The following IGF2BP3 variants were observed in gnomAD, a reference collection of about 807,000 sequenced individuals.
IGF2BP3 encodes the protein insulin like growth factor 2 mRNA binding protein 3.
IGF2BP3 carries 9 observed loss-of-function variants against 73.8 expected under a neutral mutation model. That is an observed-to-expected ratio of 0.12 (90% CI 0.07 to 0.21). IGF2BP3 has a LOEUF of 0.21. IGF2BP3 is among the 10% of genes least tolerant of loss of function. IGF2BP3 has a pLI of 1.00. For synonymous variants in IGF2BP3, 258 were observed against 256.7 expected (o/e 1.01, Z -0.05); for missense variants, 542 against 714.0 (o/e 0.76, Z 2.75).
chr7:23,314,706 G>C (rs1783929182), intron 12 of IGF2BP3, among the ~76,000 whole-genome samples: 1 of 152,178 alleles, frequency 6.6e-6, no homozygotes, highest in Non-Finnish European at 1.5e-5. Context: ...GAAACCTGCT[G>C]AGAAAAATGT....
intron 3 of IGF2BP3, among the ~76,000 whole-genome samples, chr7:23,381,833 A>C (rs575722155): frequency 6.6e-6 from 1 of 151,926 alleles, no homozygotes; most frequent in Non-Finnish European, 1.5e-5. Flanking sequence ...TCGGCCTCCC[A>C]AAGTGCTGGG....
At chr7:23,338,847 A>C (rs1199384389) in intron 10 of IGF2BP3, among the ~76,000 whole-genome samples, 19 of 152,262 alleles carry the variant, frequency 1.2e-4, no homozygotes, top group African/African-American at 2.4e-5. Context: ...AAATAAAAAC[A>C]GTAATATATG....
chr7:23,364,581 T>TGGG (rs1287578874), intron 3 of IGF2BP3, among the ~76,000 whole-genome samples: 157 of 81,396 alleles, frequency 1.9e-3, no homozygotes, highest in African/African-American at 6.7e-3. Context: ...AGCGGGAGGT[T>TGGG]GGGGGGTGGG....
chr7:23,378,998 T>C (rs1391077531), intron 3 of IGF2BP3, among the ~76,000 whole-genome samples: 1 of 152,154 alleles, frequency 6.6e-6, no homozygotes, highest in Non-Finnish European at 1.5e-5. Context: ...CACCAACTCA[T>C]TGTGGCATAT....
At chr7:23,410,852 G>A (rs78264172) in intron 3 of IGF2BP3, among the ~76,000 whole-genome samples, 3 of 152,068 alleles carry the variant, frequency 2.0e-5, no homozygotes, top group African/African-American at 7.3e-5. Flanking sequence ...TGATTAAGAG[G>A]AGACACTAAC....
intron 10 of IGF2BP3, among the ~76,000 whole-genome samples, chr7:23,341,491 C>A (rs1287578238): frequency 6.6e-6 from 1 of 152,122 alleles, no homozygotes; most frequent in East Asian, 1.9e-4. Flanking sequence ...CATGGCGAAA[C>A]CCTGTCTCTA....
chr7:23,384,697 C>T (rs1219397290), intron 3 of IGF2BP3, among the ~76,000 whole-genome samples: 2 of 152,038 alleles, frequency 1.3e-5, no homozygotes, highest in Admixed American at 6.6e-5. Flanking sequence ...TCAAGACCAG[C>T]CTGGGCAACA....
chr7:23,340,796 GA>G (rs1562684965), intron 10 of IGF2BP3, among the ~76,000 whole-genome samples: 3 of 151,718 alleles, frequency 2.0e-5, no homozygotes, highest in Non-Finnish European at 2.9e-5. Context: ...TGACCTCAAG[GA>G]AACTGCTATT....
At chr7:23,401,954 T>C (rs1786680716) in intron 3 of IGF2BP3, among the ~76,000 whole-genome samples, 2 of 151,868 alleles carry the variant, frequency 1.3e-5, no homozygotes, top group Non-Finnish European at 1.5e-5. Context: ...CCATCTCTAC[T>C]AAAATTACGA....
At chr7:23,463,996 T>G (rs1340629187) in intron 2 of IGF2BP3, among the ~76,000 whole-genome samples, 1 of 152,166 alleles carries the variant, frequency 6.6e-6, no homozygotes, top group Admixed American at 6.5e-5. Context: ...TGAGAAACTT[T>G]CCCGAATCGC....
At chr7:23,326,039 T>A (rs1157757451) in intron 10 of IGF2BP3, among the ~76,000 whole-genome samples, 1 of 152,034 alleles carries the variant, frequency 6.6e-6, no homozygotes, top group Non-Finnish European at 1.5e-5. Context: ...CCAAAAGCAA[T>A]GGCAACAAAA....
intron 3 of IGF2BP3, among the ~76,000 whole-genome samples, chr7:23,390,339 T>C (rs963497977): frequency 6.6e-6 from 1 of 151,812 alleles, no homozygotes; most frequent in African/African-American, 2.4e-5. Context: ...GGGGAAGAAG[T>C]ATATTTAAGT....
At chr7:23,323,751 T>A (rs1784220474) in intron 10 of IGF2BP3, among the ~76,000 whole-genome samples, 1 of 152,028 alleles carries the variant, frequency 6.6e-6, no homozygotes, top group Non-Finnish European at 1.5e-5. Context: ...AAACTAGAAC[T>A]CAGGATTAAG....
chr7:23,324,949 A>C (rs1784253883), intron 10 of IGF2BP3, among the ~76,000 whole-genome samples: 1 of 147,776 alleles, frequency 6.8e-6, no homozygotes, highest in South Asian at 2.2e-4. Flanking sequence ...TCTATGACAA[A>C]CCCACAGCCA....
rs1266154469 is a variant in IGF2BP3 at position 23,351,385 on chromosome 7, C to T, written c.603G>A (p.Leu201=). 1 of 1,613,890 alleles carries T rather than the reference C, an allele frequency of 6.2e-7. No homozygotes were observed. Among genetic ancestry groups the T allele is most frequent in the South Asian group, 1.1e-5 (1 of 91,060 alleles). Residue 201 remains leucine (L), a synonymous_variant, in exon 6 of 15, where the codon CTG becomes CTA. Coordinates refer to ENST00000258729, the MANE Select transcript of IGF2BP3 (RefSeq NM_006547.3). Reference sequence around the variant, plus strand: ...TGGCTCCAACAAATTGGGTGGGAACCAGCAGGCGCAGAGGCAAATCACATG... The same window carrying T: ...TGGCTCCAACAAATTGGGTGGGAACTAGCAGGCGCAGAGGCAAATCACATG... ...QKPCDLPLRL[L]VPTQFVGAII...
At chr7:23,428,526 A>AT (rs1554334300) in intron 2 of IGF2BP3, among the ~76,000 whole-genome samples, 14 of 145,448 alleles carry the variant, frequency 9.6e-5, no homozygotes, top group East Asian at 2.0e-4. Flanking sequence ...AAAGAAAAAA[A>AT]AAATATATAT....
chr7:23,455,770 C>T (rs1456253930), intron 2 of IGF2BP3, among the ~76,000 whole-genome samples: 1 of 152,198 alleles, frequency 6.6e-6, no homozygotes, highest in African/African-American at 2.4e-5. Flanking sequence ...ACTGCAAGCT[C>T]CGCCTCCCGG....
chr7:23,379,538 A>C (rs550791107), intron 3 of IGF2BP3, among the ~76,000 whole-genome samples: 1 of 152,330 alleles, frequency 6.6e-6, no homozygotes, highest in Admixed American at 6.5e-5. Context: ...TTAATGAGTA[A>C]CAGGGGTCCA....
intron 5 of IGF2BP3, among the ~76,000 whole-genome samples, chr7:23,356,116 G>A (rs1194285051): frequency 1.3e-5 from 2 of 152,122 alleles, no homozygotes; most frequent in Non-Finnish European, 2.9e-5. Flanking sequence ...CTGAATAGTG[G>A]AAAAAGAATA....
Sources: allele counts gnomAD v4.1 joint callset (sites outside exome capture counted in the v4.1 genomes callset), GRCh38; gene constraint gnomAD v4.1.1; transcripts MANE v1.5; gene names NCBI Gene and HGNC (gene_info 2026-07-23, HGNC 2026-07-21).